Variants in CBLN2 observed in about 807,000 individuals in gnomAD.
CBLN2 encodes cerebellin-2.
A neutral mutation model predicts 15.0 loss-of-function variants in CBLN2; 7 were observed. The ratio of observed to expected loss-of-function variants is 0.47; its 90% CI spans 0.27 to 0.88. The LOEUF (loss-of-function observed/expected upper bound fraction) is 0.88, where lower values mean the gene tolerates loss of function less well. Ranked by LOEUF, CBLN2 falls within the 40% of genes least tolerant of loss-of-function variation. The pLI is 0.14. For synonymous variants in CBLN2, 149 were observed against 135.2 expected (o/e 1.10, Z -0.71); for missense variants, 242 against 304.5 (o/e 0.79, Z 1.53).
chr18:72,536,995 A>C lies in CBLN2; in HGVS notation c.*1181T>G, dbSNP rs2069067734. On this transcript the variant is annotated 3_prime_UTR_variant, in exon 5 of 5. Coordinates refer to ENST00000269503, the MANE Select transcript of CBLN2 (RefSeq NM_182511.4). Reference sequence around the variant, plus strand: ...GGTGCATGCAGGAGAGTGTCAATGCATCCCTTTCCTGGGCAGATCAAAAGA... The same window carrying C: ...GGTGCATGCAGGAGAGTGTCAATGCCTCCCTTTCCTGGGCAGATCAAAAGA... 6.6e-6 allele frequency: 1 copy of C among 152,576 alleles called. No homozygotes were observed. The highest frequency in any genetic ancestry group is 1.5e-5 in the Non-Finnish European group (1 of 68,086). 9.5% of individuals were successfully genotyped at this position (152,576 alleles called of 1,614,324 possible). A position where few individuals can be genotyped will look rare whatever the true frequency, so the allele number is the denominator to read the frequency against.
At chr18:72,546,247 C>A (rs1361248418), upstream of CBLN2, among the ~76,000 whole-genome samples, 2 of 152,088 alleles carry the variant, frequency 1.3e-5, no homozygotes, top group Non-Finnish European at 1.5e-5. Flanking sequence ...ACCATCCTGG[C>A]TAACACGGTG....
At chr18:72,606,043 C>A (rs1045289883) in intron 1 of CBLN2, among the ~76,000 whole-genome samples, 1 of 152,218 alleles carries the variant, frequency 6.6e-6, no homozygotes, top group African/African-American at 2.4e-5. Flanking sequence ...AGCAGCCAGT[C>A]CCTTTGGGAG....
At chr18:72,564,397 G>A (rs1449335363) in intron 1 of CBLN2, among the ~76,000 whole-genome samples, 3 of 151,938 alleles carry the variant, frequency 2.0e-5, no homozygotes, top group Admixed American at 1.3e-4. Flanking sequence ...AGAATTCAAC[G>A]AATGAAATAA....
At chr18:72,546,892 C>A (rs1279166925), upstream of CBLN2, among the ~76,000 whole-genome samples, 2 of 152,046 alleles carry the variant, frequency 1.3e-5, no homozygotes, top group African/African-American at 4.8e-5. Context: ...AATTTGAGTT[C>A]TTTGGGTATA....
chr18:72,588,272 C>T (rs2069456317), intron 1 of CBLN2, among the ~76,000 whole-genome samples: 1 of 152,170 alleles, frequency 6.6e-6, no homozygotes, highest in Non-Finnish European at 1.5e-5. Flanking sequence ...TACTGACCTC[C>T]AAAACATTTC....
chr18:72,540,681 G>GA (rs112283933), intron 3 of CBLN2, among the ~76,000 whole-genome samples: 1,604 of 150,534 alleles, frequency 0.011, 20 homozygotes, highest in African/African-American at 0.036. Flanking sequence ...CCCCTGCCAA[G>GA]AAAAAAAAAC....
At chr18:72,568,795 A>C (rs1444818620) in intron 1 of CBLN2, among the ~76,000 whole-genome samples, 5 of 152,158 alleles carry the variant, frequency 3.3e-5, no homozygotes. Context: ...TATACCACAA[A>C]ATTGGCAAGT....
intron 1 of CBLN2, among the ~76,000 whole-genome samples, chr18:72,578,990 G>C (rs977392590): frequency 2.6e-5 from 4 of 152,174 alleles, no homozygotes; most frequent in African/African-American, 7.2e-5. Flanking sequence ...TCTCTGAGAT[G>C]GAGCTGTCCT....
intron 1 of CBLN2, among the ~76,000 whole-genome samples, chr18:72,563,265 G>T (rs902223933): frequency 6.6e-6 from 1 of 152,044 alleles, no homozygotes; most frequent in African/African-American, 2.4e-5. Flanking sequence ...AATACTAAAT[G>T]GTCAAAGTTT....
intron 1 of CBLN2, among the ~76,000 whole-genome samples, chr18:72,564,836 C>T (rs2069283873): frequency 6.8e-6 from 1 of 147,788 alleles, no homozygotes; most frequent in African/African-American, 2.4e-5. Context: ...CAAAAAGATA[C>T]TCTCCAAAGC....
intron 1 of CBLN2, among the ~76,000 whole-genome samples, chr18:72,600,795 G>C (rs1034134946): frequency 6.6e-6 from 1 of 152,150 alleles, no homozygotes; most frequent in Non-Finnish European, 1.5e-5. Context: ...GTGGGTGGGG[G>C]CTAAAGAACT....
intron 1 of CBLN2, among the ~76,000 whole-genome samples, chr18:72,609,712 T>C (rs2069608187): frequency 6.6e-6 from 1 of 152,182 alleles, no homozygotes; most frequent in Non-Finnish European, 1.5e-5. Context: ...CTGTCACTCC[T>C]AATCACTTCT....
rs181503009 is a variant in CBLN2 at position 72,599,030 on chromosome 18, G to A, written c.15+39295C>T. 8.4e-3 allele frequency among the ~76,000 whole-genome samples: 1,283 copies of A among 151,924 alleles called. 29 individuals carry two copies. The highest frequency in any genetic ancestry group is 0.03 in the African/African-American group (1,226 of 41,500). On this transcript the variant is annotated intron_variant, in intron 1 of 2. Transcript: ENST00000581073. ...AAACCAGGTACTGTGATCACTCACCGGATTTTGGGTTCTTGTGAAGGTGTT... is the reference window on the plus strand; with the variant it reads ...AAACCAGGTACTGTGATCACTCACCAGATTTTGGGTTCTTGTGAAGGTGTT...
chr18:72,562,681 G>A (rs1021064571), intron 1 of CBLN2, among the ~76,000 whole-genome samples: 11 of 152,108 alleles, frequency 7.2e-5, no homozygotes, highest in Non-Finnish European at 1.3e-4. Context: ...TAGAGTCTTT[G>A]GAAACAGACA....
At chr18:72,561,261 A>AAAACAT in intron 1 of CBLN2, among the ~76,000 whole-genome samples, 1 of 143,884 alleles carries the variant, frequency 7.0e-6, no homozygotes, top group Non-Finnish European at 1.5e-5. Context: ...AAAAAAAAAG[A>AAAACAT]TGCTTGACAT....
chr18:72,610,256 C>A (rs914590533), intron 1 of CBLN2, among the ~76,000 whole-genome samples: 1 of 152,138 alleles, frequency 6.6e-6, no homozygotes, highest in Non-Finnish European at 1.5e-5. Context: ...CCCTTCAACA[C>A]CAAGCACACT....
intron 1 of CBLN2, among the ~76,000 whole-genome samples, chr18:72,576,952 A>T (rs1195728282): frequency 4.1e-5 from 6 of 147,908 alleles, no homozygotes; most frequent in Non-Finnish European, 6.0e-5. Context: ...TATAAATGTG[A>T]TGTATATATA....
At chr18:72,539,742 C>T (rs2069094836) in intron 3 of CBLN2, 1 of 152,014 alleles carries the variant, frequency 6.6e-6, no homozygotes, top group South Asian at 2.1e-4. Flanking sequence ...CAGACTCTGG[C>T]CACTTTGTCT....
In CBLN2 at chr18:72,538,125, G is replaced by A. The variant is rs368883601; in HGVS notation, c.*51C>T. The A allele has an allele frequency of 7.8e-4, 1,244 of 1,585,136 alleles. 15 individuals are homozygous for A. The South Asian group carries it at 9.4e-3, about 12-fold the overall frequency. ...GTAAGTTCAGGGTGTTTTAAAGGGCGGAGTCCTGGGTCCAGTTTGCCATTC... is the reference window on the plus strand; with the variant it reads ...GTAAGTTCAGGGTGTTTTAAAGGGCAGAGTCCTGGGTCCAGTTTGCCATTC... On this transcript the variant is annotated 3_prime_UTR_variant, in exon 5 of 5. Coordinates refer to ENST00000269503, the MANE Select transcript of CBLN2 (RefSeq NM_182511.4).
Sources: gnomAD v4.1 joint callset for allele counts (sites outside exome capture counted in the v4.1 genomes callset) on GRCh38, gnomAD v4.1.1 for gene constraint, MANE v1.5 for transcripts, NCBI Gene and HGNC (gene_info 2026-07-23, HGNC 2026-07-21) for gene names.